The following SLC1A2 variants were observed in gnomAD, a reference collection of about 807,000 sequenced individuals.
SLC1A2 encodes the protein solute carrier family 1 member 2.
In SLC1A2, 15 loss-of-function variants were observed where a neutral mutation model predicts 48.8. The observed-to-expected ratio is 0.31, with a 90% confidence interval of 0.21 to 0.47. The LOEUF is 0.47. Ranked by LOEUF, SLC1A2 falls within the 20% of genes least tolerant of loss-of-function variation. The probability of loss-of-function intolerance (pLI) is 0.99; values close to 1 mark genes in which losing one functional copy is unlikely to be tolerated. For missense variants in SLC1A2, 502 were observed against 730.5 expected, an observed-to-expected ratio of 0.69 and a Z score of 3.61; for synonymous variants, 279 against 272.6, an observed-to-expected ratio of 1.02 and a Z score of -0.23.
chr11:35,385,908 C>T (rs998270138), intron 1 of SLC1A2, among the ~76,000 whole-genome samples: 1 of 152,196 alleles, frequency 6.6e-6, no homozygotes, highest in African/African-American at 2.4e-5. Context: ...TGGCTCAAGC[C>T]TGTAATCCCA....
intron 1 of SLC1A2, among the ~76,000 whole-genome samples, chr11:35,412,986 G>A (rs528305604): frequency 1.3e-5 from 2 of 152,188 alleles, no homozygotes; most frequent in East Asian, 3.9e-4. Flanking sequence ...TTGGGGGGTG[G>A]GGGGAAAGGT....
rs1197683068 is a variant in SLC1A2 at position 35,259,178 on chromosome 11, T to C, written c.*1716A>G. ...GTCTCTTGTATGTTTCAAAGGTATC[T>C]GATTTAAAAGAGAGAAGTCACAAGG... On this transcript the variant is annotated 3_prime_UTR_variant, in exon 11 of 11. Coordinates refer to ENST00000278379, the MANE Select transcript of SLC1A2 (RefSeq NM_004171.4). The C allele has an allele frequency of 6.6e-6, 1 of 152,592 alleles. No homozygotes were observed. The highest frequency in any genetic ancestry group is 1.5e-5 in the Non-Finnish European group (1 of 68,040). The allele number at this position is 152,592 out of a possible 1,614,324, so 9.5% of individuals were successfully genotyped here.
At chr11:35,343,903 C>T (rs1322547542) in intron 1 of SLC1A2, among the ~76,000 whole-genome samples, 1 of 152,008 alleles carries the variant, frequency 6.6e-6, no homozygotes, top group Non-Finnish European at 1.5e-5. Flanking sequence ...GATGTACAAG[C>T]ATTGTGAAAT....
chr11:35,345,029 G>C (rs1054463464), intron 1 of SLC1A2, among the ~76,000 whole-genome samples: 2 of 151,594 alleles, frequency 1.3e-5, no homozygotes, highest in African/African-American at 4.9e-5. Context: ...TTTTTGGTTT[G>C]TCTCTAAGTG....
intron 1 of SLC1A2, among the ~76,000 whole-genome samples, chr11:35,327,043 C>T (rs903226958): frequency 2.0e-5 from 3 of 152,228 alleles, no homozygotes; most frequent in African/African-American, 7.2e-5. Flanking sequence ...ACTTTGCTAA[C>T]TGCATACCAT....
At chr11:35,395,097 C>G in intron 1 of SLC1A2, among the ~76,000 whole-genome samples, 1 of 151,968 alleles carries the variant, frequency 6.6e-6, no homozygotes, top group East Asian at 1.9e-4. Context: ...CAACAATGGG[C>G]TCTCCCTGAG....
intron 9 of SLC1A2, among the ~76,000 whole-genome samples, chr11:35,271,174 G>A (rs980318897): frequency 2.0e-5 from 3 of 152,224 alleles, no homozygotes; most frequent in Admixed American, 6.5e-5. Flanking sequence ...ACCATATGTA[G>A]GGAGCATGGT....
chr11:35,277,650 C>T lies in SLC1A2; in HGVS notation c.1421+3217G>A, dbSNP rs371318179. Among the ~76,000 whole-genome samples, 23 of 152,258 alleles carry T rather than the reference C, an allele frequency of 1.5e-4. No individual in the cohort carries two copies. In the South Asian group the frequency reaches 4.4e-3, roughly 29 times the overall value. ...AATGAGGCAATATTGTCACAGCAGGCGAGGGACCCTCAATGACCACAAGCA... is the reference window on the plus strand; with the variant it reads ...AATGAGGCAATATTGTCACAGCAGGTGAGGGACCCTCAATGACCACAAGCA... On this transcript the variant is annotated intron_variant, in intron 9 of 10. Transcript: ENST00000278379.
At chr11:35,344,496 G>C (rs1852957320) in intron 1 of SLC1A2, among the ~76,000 whole-genome samples, 1 of 152,180 alleles carries the variant, frequency 6.6e-6, no homozygotes, top group Non-Finnish European at 1.5e-5. Flanking sequence ...GTGCATGCTT[G>C]ATGGGATTAT....
In SLC1A2 at chr11:35,286,952, C is replaced by G; in HGVS notation, c.1092-1G>C. 6.2e-7 allele frequency: 1 copy of G among 1,613,254 alleles called. No homozygotes were observed. The highest frequency in any genetic ancestry group is 1.1e-5 in the South Asian group (1 of 91,046). On this transcript the variant is annotated splice_acceptor_variant, in intron 7 of 10. Transcript: ENST00000278379. LOFTEE classifies it high-confidence loss of function. ...AAAGGTGACAGGCAAAGTTCCAGCA[C>G]TGAGAACAAAGAGAAAGAGAGAGAC...
intron 10 of SLC1A2, among the ~76,000 whole-genome samples, chr11:35,262,992 T>C (rs1369953654): frequency 6.6e-6 from 1 of 152,180 alleles, no homozygotes; most frequent in Non-Finnish European, 1.5e-5. Context: ...GGACTAAAGA[T>C]GCTAAAAGGA....
intron 9 of SLC1A2, among the ~76,000 whole-genome samples, chr11:35,272,883 T>C (rs1850322728): frequency 6.6e-6 from 1 of 152,186 alleles, no homozygotes; most frequent in African/African-American, 2.4e-5. Flanking sequence ...ACCGAGTTAC[T>C]TCACACTGAG....
chr11:35,304,678 G>A (rs947975384), intron 5 of SLC1A2, among the ~76,000 whole-genome samples: 3 of 151,990 alleles, frequency 2.0e-5, no homozygotes, highest in African/African-American at 7.2e-5. Context: ...CTCAGTGACT[G>A]TGCAATTCTG....
chr11:35,359,608 G>T (rs927341466), intron 1 of SLC1A2, among the ~76,000 whole-genome samples: 1 of 152,088 alleles, frequency 6.6e-6, no homozygotes, highest in Non-Finnish European at 1.5e-5. Context: ...CATTTCAAGG[G>T]GAATAATTTG....
chr11:35,320,897 T>A (rs146089715), intron 1 of SLC1A2, among the ~76,000 whole-genome samples: 77 of 152,314 alleles, frequency 5.1e-4, no homozygotes, highest in African/African-American at 1.8e-3. Context: ...GATAAATACA[T>A]TTTAAGTAGT....
intron 6 of SLC1A2, chr11:35,297,989 T>A (rs975055991): frequency 6.6e-6 from 1 of 152,222 alleles, no homozygotes; most frequent in Admixed American, 6.5e-5. Flanking sequence ...CAACTTGCAA[T>A]AGGAGGATCC....
intron 1 of SLC1A2, among the ~76,000 whole-genome samples, chr11:35,318,822 G>A (rs181361973): frequency 1.9e-4 from 29 of 152,274 alleles, no homozygotes; most frequent in Middle Eastern, 6.8e-3. Context: ...ATGACATTTT[G>A]TTCAGGGGGC....
intron 1 of SLC1A2, chr11:35,374,486 C>A: frequency 3.4e-6 from 1 of 293,456 alleles, no homozygotes; most frequent in South Asian, 3.9e-5. Flanking sequence ...GAACGAGTGT[C>A]CAACCTTTTG....
intron 1 of SLC1A2, among the ~76,000 whole-genome samples, chr11:35,342,198 T>C (rs992507991): frequency 3.9e-5 from 6 of 152,242 alleles, no homozygotes; most frequent in East Asian, 1.9e-4. Context: ...TGTATCATGC[T>C]GTACAATTAA....
Sources: allele counts gnomAD v4.1 joint callset (sites outside exome capture counted in the v4.1 genomes callset), GRCh38; gene constraint gnomAD v4.1.1; transcripts MANE v1.5; gene names NCBI Gene and HGNC (gene_info 2026-07-23, HGNC 2026-07-21).